Variants in AGO3 observed in about 807,000 individuals in gnomAD.
AGO3 encodes protein argonaute-3.
In AGO3, 16 loss-of-function variants were observed where a neutral mutation model predicts 105.5. The observed-to-expected ratio is 0.15, with a 90% CI of 0.10 to 0.23. AGO3 has a LOEUF of 0.23. AGO3 is among the 10% of genes least tolerant of loss of function. The pLI is 1.00. For synonymous variants in AGO3, 340 were observed against 367.3 expected (o/e 0.93, Z 0.85); for missense variants, 534 against 1,088.0 (o/e 0.49, Z 7.16).
chr1:35,990,580 A>G (rs1469711158), intron 5 of AGO3, among the ~76,000 whole-genome samples: 1 of 152,100 alleles, frequency 6.6e-6, no homozygotes, highest in Non-Finnish European at 1.5e-5. Context: ...TCACTATCCC[A>G]TTTTGCTTTT....
chr1:36,050,981 C>T (rs940324724), intron 17 of AGO3, among the ~76,000 whole-genome samples: 5 of 152,054 alleles, frequency 3.3e-5, no homozygotes, highest in African/African-American at 1.2e-4. Context: ...CACATGCCAC[C>T]ATGCCTGGCT....
intron 5 of AGO3, among the ~76,000 whole-genome samples, chr1:36,001,469 G>A (rs1640080193): frequency 6.6e-6 from 1 of 152,098 alleles, no homozygotes; most frequent in African/African-American, 2.4e-5. Flanking sequence ...TTTCATATTA[G>A]TACATACAAG....
chr1:35,986,068 T>G (rs1647168652), intron 5 of AGO3, among the ~76,000 whole-genome samples: 1 of 152,210 alleles, frequency 6.6e-6, no homozygotes. Flanking sequence ...AAAAATCTTA[T>G]GAAATACCAA....
At chr1:35,996,470 T>A (rs888961939) in intron 5 of AGO3, among the ~76,000 whole-genome samples, 1 of 151,778 alleles carries the variant, frequency 6.6e-6, no homozygotes, top group Non-Finnish European at 1.5e-5. Context: ...AATCACATAC[T>A]TCACAAAAGA....
chr1:36,000,046 A>G (rs549623845), intron 5 of AGO3, among the ~76,000 whole-genome samples: 6 of 152,222 alleles, frequency 3.9e-5, no homozygotes, highest in Middle Eastern at 6.8e-3. Flanking sequence ...AATTTTATCA[A>G]ATGCTTGCTT....
intron 14 of AGO3, among the ~76,000 whole-genome samples, chr1:36,037,291 G>A (rs886720210): frequency 1.3e-5 from 2 of 152,092 alleles, no homozygotes; most frequent in Admixed American, 6.6e-5. Context: ...AGGCTGAGGC[G>A]GGGGTGGATC....
rs1302115738 is a variant in AGO3, at chr1:35,972,847, TA to T, written c.522-519del. ...GTATGCACCATCATGCCTGACTAATTAAAAAAAAATTTTTTTTTTTTTTTTT... is the reference window on the plus strand; with the variant it reads ...GTATGCACCATCATGCCTGACTAATTAAAAAAAATTTTTTTTTTTTTTTTT... On this transcript the variant is annotated intron_variant, in intron 4 of 18. Coordinates refer to ENST00000373191, the MANE Select transcript of AGO3 (RefSeq NM_024852.4). 1.1e-4 allele frequency among the ~76,000 whole-genome samples: 16 copies of T among 145,942 alleles called. 1 individual carries two copies. In the South Asian group the frequency reaches 2.6e-3, roughly 23 times the overall value.
At position 36,011,458 on chromosome 1, in the gene AGO3, G is replaced by A. The variant is rs142925826; in HGVS notation, c.1149+1864G>A. Among the ~76,000 whole-genome samples, 1,266 of 151,752 alleles carry A rather than the reference G, an allele frequency of 8.3e-3. 19 individuals are homozygous for A. The highest frequency in any genetic ancestry group is 0.029 in the African/African-American group (1,186 of 41,368). ...TGGTTTTCATCTTGGATTTTTCTCT[G>A]ATTCTACTATAAGATTTTAAAAACT... On this transcript the variant is annotated intron_variant, in intron 9 of 18. Coordinates refer to ENST00000373191, the MANE Select transcript of AGO3 (RefSeq NM_024852.4).
intron 1 of AGO3, among the ~76,000 whole-genome samples, chr1:35,933,730 C>T (rs1028402495): frequency 2.8e-5 from 4 of 143,938 alleles, no homozygotes; most frequent in East Asian, 4.1e-4. Flanking sequence ...CTCAAAAAGT[C>T]TATTGACTCA....
rs773946014 is a variant in AGO3 at position 36,013,909 on chromosome 1, G to C, written c.1273-6G>C. ...TTCACCATGTTATTTTTTTCTCCTC[G>C]TGTAGAATCGGACAGTAGCAACACC... is the stretch of plus-strand genomic sequence containing the variant. On this transcript the variant is annotated splice_region_variant and splice_polypyrimidine_tract_variant and intron_variant, in intron 10 of 18. Coordinates refer to ENST00000373191, the MANE Select transcript of AGO3 (RefSeq NM_024852.4). 9 of 1,607,778 alleles carry C rather than the reference G, an allele frequency of 5.6e-6. No individual in the cohort carries two copies. The highest frequency in any genetic ancestry group is 7.6e-6 in the Non-Finnish European group (9 of 1,177,340).
intron 2 of AGO3, among the ~76,000 whole-genome samples, chr1:35,946,295 T>C (rs1646364186): frequency 6.6e-6 from 1 of 152,182 alleles, no homozygotes; most frequent in African/African-American, 2.4e-5. Context: ...TCTTTTCTCC[T>C]TTCCCAATTC....
At chr1:35,971,045 T>TA (rs1491477946) in intron 3 of AGO3, among the ~76,000 whole-genome samples, 56 of 115,320 alleles carry the variant, frequency 4.9e-4, no homozygotes, top group African/African-American at 1.6e-3. Flanking sequence ...TATATATATA[T>TA]TTTTTATTAT....
intron 1 of AGO3, among the ~76,000 whole-genome samples, chr1:35,937,057 C>A (rs902013744): frequency 2.0e-5 from 3 of 152,026 alleles, no homozygotes; most frequent in Admixed American, 1.3e-4. Context: ...GAATAGATTG[C>A]AAAATGGGCT....
At chr1:36,048,496 G>C (rs541354386) in intron 17 of AGO3, among the ~76,000 whole-genome samples, 1 of 152,160 alleles carries the variant, frequency 6.6e-6, no homozygotes, top group South Asian at 2.1e-4. Flanking sequence ...TGGTAGAACA[G>C]ATACACAAGA....
chr1:35,931,375 C>A lies in AGO3; in HGVS notation c.-52C>A. The A allele has an allele frequency of 7.1e-7, 1 of 1,414,594 alleles. No homozygotes were observed. The highest frequency in any genetic ancestry group is 9.3e-7 in the Non-Finnish European group (1 of 1,078,080). The allele number at this position is 1,414,594 out of a possible 1,614,324, so 87.6% of individuals were successfully genotyped here. A position where few individuals can be genotyped will look rare whatever the true frequency, so the allele number is the denominator to read the frequency against. Reference sequence around the variant, plus strand: ...CGTCGCCCCCCGGGCCGCCTCCTTGCCGCCAGTGGCGGGCTCCGTTCTCCC... The same window carrying A: ...CGTCGCCCCCCGGGCCGCCTCCTTGACGCCAGTGGCGGGCTCCGTTCTCCC... On this transcript the variant is annotated 5_prime_UTR_variant, in exon 1 of 19. Transcript: ENST00000373191.
chr1:36,003,694 C>CAAAAAAAAAAA lies in AGO3; in HGVS notation c.659-641_659-631dup, dbSNP rs1209511459. ...GGGAAACAAGAGTGAAAGTCTGTCT[C>CAAAAAAAAAAA]AAAAAAAAAAAAAAAATATATATAT... On this transcript the variant is annotated intron_variant, in intron 5 of 18. Transcript: ENST00000373191. Among the ~76,000 whole-genome samples the CAAAAAAAAAAA allele has an allele frequency of 3.6e-4, 19 of 53,460 alleles. 1 individual carries two copies. Among genetic ancestry groups the CAAAAAAAAAAA allele is most frequent in the African/African-American group, 2.0e-3 (17 of 8,512 alleles). The allele number at this position is 53,460 out of a possible 152,430, so 35.1% of individuals were successfully genotyped here.
intron 12 of AGO3, among the ~76,000 whole-genome samples, chr1:36,033,349 A>G (rs1164949092): frequency 1.3e-5 from 2 of 150,796 alleles, no homozygotes; most frequent in Non-Finnish European, 3.0e-5. Flanking sequence ...AAAAAAAAAA[A>G]GAAGTTATGG....
chr1:36,050,558 G>A (rs2148860958), intron 17 of AGO3, among the ~76,000 whole-genome samples: 1 of 151,482 alleles, frequency 6.6e-6, no homozygotes, highest in Admixed American at 6.6e-5. Flanking sequence ...TTGGGAGGCT[G>A]AGGCAGGTGG....
intron 5 of AGO3, among the ~76,000 whole-genome samples, chr1:35,985,789 C>G (rs1006696565): frequency 2.0e-5 from 3 of 152,088 alleles, no homozygotes; most frequent in African/African-American, 7.2e-5. Flanking sequence ...AAATTTAAAA[C>G]TTGTGTATCG....
Sources: gnomAD v4.1 joint callset for allele counts (sites outside exome capture counted in the v4.1 genomes callset) on GRCh38, gnomAD v4.1.1 for gene constraint, MANE v1.5 for transcripts, NCBI Gene and HGNC (gene_info 2026-07-23, HGNC 2026-07-21) for gene names.